Variants in ERC2 observed in about 807,000 individuals in gnomAD.
ERC2 encodes ERC protein 2.
A neutral mutation model predicts 114.8 loss-of-function variants in ERC2; 42 were observed. The observed-to-expected ratio is 0.37, with a 90% CI of 0.29 to 0.47. The LOEUF (loss-of-function observed/expected upper bound fraction) is 0.47, where lower values mean the gene tolerates loss of function less well. Among genes scored for constraint, ERC2 ranks in the 20% least tolerant of loss-of-function variants. The pLI is 0.99. For synonymous variants in ERC2, 454 were observed against 425.5 expected (o/e 1.07, Z -0.82); for missense variants, 939 against 1,150.7 (o/e 0.82, Z 2.66).
intron 2 of ERC2, among the ~76,000 whole-genome samples, chr3:56,358,573 A>G (rs2058830680): frequency 6.6e-6 from 1 of 152,260 alleles, no homozygotes; most frequent in Non-Finnish European, 1.5e-5. Context: ...CTGACCACAC[A>G]TAGCTTGGTT....
At chr3:55,787,662 A>C (rs2069622579) in intron 14 of ERC2, among the ~76,000 whole-genome samples, 1 of 152,216 alleles carries the variant, frequency 6.6e-6, no homozygotes. Context: ...GGATATAAGA[A>C]GCATTCTTCT....
At position 55,679,889 on chromosome 3, in the gene ERC2, T is replaced by C. The variant is rs936293889; in HGVS notation, c.*39+3905A>G. Among the ~76,000 whole-genome samples the C allele has an allele frequency of 5.3e-5, 8 of 152,288 alleles. No individual in the cohort carries two copies. In the East Asian group the frequency reaches 1.5e-3, roughly 29 times the overall value. ...TTCCAGGACAAGCACAGGCCTAGTG[T>C]CCAGACCCTGTCCGCTAAAAGAAGG... On this transcript the variant is annotated intron_variant, in intron 17 of 17. Transcript: ENST00000288221.
chr3:55,659,100 T>C (rs1038450865), intron 17 of ERC2: 1 of 152,288 alleles, frequency 6.6e-6, no homozygotes, highest in Non-Finnish European at 1.5e-5. Context: ...GGTTGGGCTT[T>C]GTTTTCCTGA....
chr3:55,946,579 T>C (rs902193396), intron 13 of ERC2, among the ~76,000 whole-genome samples: 1 of 152,192 alleles, frequency 6.6e-6, no homozygotes, highest in Non-Finnish European at 1.5e-5. Flanking sequence ...GATTCTTTCA[T>C]AAACCTTATT....
At chr3:55,903,976 G>A (rs965698424) in intron 13 of ERC2, among the ~76,000 whole-genome samples, 4 of 152,248 alleles carry the variant, frequency 2.6e-5, no homozygotes, top group Non-Finnish European at 5.9e-5. Flanking sequence ...GACTTGCCAA[G>A]AGCAGAGGCT....
At chr3:55,543,101 C>G (rs142308684) in intron 17 of ERC2, among the ~76,000 whole-genome samples, 22 of 152,262 alleles carry the variant, frequency 1.4e-4, no homozygotes, top group African/African-American at 5.1e-4. Flanking sequence ...CTTCCTGCAC[C>G]CGCTGTGTTT....
intron 12 of ERC2, among the ~76,000 whole-genome samples, chr3:55,970,089 T>C (rs1003878041): frequency 4.6e-5 from 7 of 152,192 alleles, no homozygotes; most frequent in Non-Finnish European, 8.8e-5. Context: ...GGAGCATATA[T>C]GTTTGGGGTC....
At position 56,178,935 on chromosome 3, in the gene ERC2, C is replaced by T. The variant is rs186849887; in HGVS notation, c.1075-5415G>A. Among the ~76,000 whole-genome samples, 23 of 152,046 alleles carry T rather than the reference C, an allele frequency of 1.5e-4. No individual in the cohort carries two copies. The East Asian group carries it at 3.9e-3, about 26-fold the overall frequency. On this transcript the variant is annotated intron_variant, in intron 3 of 17. Transcript: ENST00000288221. ...CAGAGAAAGCTTCATGAAAAGGTGA[C>T]GCTTAAGCAAAGATCTAAAGCAGGG...
chr3:55,953,087 C>G (rs1282366191), intron 12 of ERC2, among the ~76,000 whole-genome samples: 1 of 151,964 alleles, frequency 6.6e-6, no homozygotes, highest in Non-Finnish European at 1.5e-5. Context: ...CACCTGTAGT[C>G]CCAGGTACTC....
chr3:55,732,098 C>A (rs2065286556), intron 15 of ERC2, among the ~76,000 whole-genome samples: 1 of 152,068 alleles, frequency 6.6e-6, no homozygotes, highest in Non-Finnish European at 1.5e-5. Context: ...GGTTATTCCA[C>A]ACCCTGAGCC....
At chr3:55,910,614 G>A (rs918773987) in intron 13 of ERC2, among the ~76,000 whole-genome samples, 3 of 152,154 alleles carry the variant, frequency 2.0e-5, no homozygotes, top group South Asian at 2.1e-4. Context: ...ATTAACAATT[G>A]CATGGCATTA....
At chr3:55,950,293 C>T (rs937412517) in intron 13 of ERC2, 132 bp downstream of exon 13, 4 of 1,108,346 alleles carry the variant, frequency 3.6e-6, no homozygotes, top group Admixed American at 2.8e-5. Context: ...TACTGGGTTC[C>T]CTGTTAGTGC....
intron 12 of ERC2, among the ~76,000 whole-genome samples, chr3:55,967,873 C>T (rs1367884260): frequency 1.3e-5 from 2 of 152,186 alleles, no homozygotes; most frequent in African/African-American, 4.8e-5. Context: ...TTCTGCCTTT[C>T]TGCCTTTCTG....
chr3:55,953,334 A>G (rs1159714178), intron 12 of ERC2, among the ~76,000 whole-genome samples: 5 of 152,142 alleles, frequency 3.3e-5, no homozygotes, highest in Non-Finnish European at 7.4e-5. Flanking sequence ...TGAAAATGGA[A>G]AGTTGGGTTT....
At chr3:56,177,244 A>G (rs1399746655) in intron 3 of ERC2, among the ~76,000 whole-genome samples, 2 of 152,218 alleles carry the variant, frequency 1.3e-5, no homozygotes, top group Non-Finnish European at 2.9e-5. Flanking sequence ...TTGAATCACC[A>G]AAGTGATTTT....
chr3:55,739,796 AT>A (rs2065871321), intron 14 of ERC2, among the ~76,000 whole-genome samples: 3 of 152,044 alleles, frequency 2.0e-5, no homozygotes, highest in African/African-American at 7.2e-5. Flanking sequence ...TTTTGTTGCC[AT>A]TGCTTTTGGT....
At chr3:56,088,196 T>C (rs1400440258) in intron 6 of ERC2, among the ~76,000 whole-genome samples, 1 of 152,144 alleles carries the variant, frequency 6.6e-6, no homozygotes, top group Admixed American at 6.6e-5. Flanking sequence ...TAAGTCTGGA[T>C]CCTCAAGTGA....
At chr3:56,014,353 T>C (rs2073163037) in intron 8 of ERC2, among the ~76,000 whole-genome samples, 1 of 152,178 alleles carries the variant, frequency 6.6e-6, no homozygotes, top group African/African-American at 2.4e-5. Flanking sequence ...TCCTCATCTG[T>C]TGTCCAATTC....
intron 17 of ERC2, among the ~76,000 whole-genome samples, chr3:55,561,752 A>G (rs1194665195): frequency 1.3e-5 from 2 of 151,912 alleles, no homozygotes; most frequent in African/African-American, 4.8e-5. Context: ...TCCAAGGTCT[A>G]CTCTCAGTCC....
Sources: gnomAD v4.1 joint callset for allele counts (sites outside exome capture counted in the v4.1 genomes callset) on GRCh38, gnomAD v4.1.1 for gene constraint, MANE v1.5 for transcripts, NCBI Gene and HGNC (gene_info 2026-07-23, HGNC 2026-07-21) for gene names.